Variants in CFAP221 observed in about 807,000 individuals in gnomAD.
CFAP221 encodes the protein cilia- and flagella-associated protein 221.
CFAP221 carries 97 observed loss-of-function variants against 113.1 expected under a neutral mutation model. The observed-to-expected ratio is 0.86, with a 90% CI of 0.73 to 1.02. CFAP221 has a LOEUF of 1.02. Ranked by LOEUF, CFAP221 falls within the 50% of genes least tolerant of loss-of-function variation. The pLI is 0.00. For missense variants in CFAP221, 1,025 were observed against 1,013.4 expected, an observed-to-expected ratio of 1.01 and a Z score of -0.16; for synonymous variants, 331 against 354.4, an observed-to-expected ratio of 0.93 and a Z score of 0.74.
In CFAP221 at chr2:119,615,846, A is replaced by G. The variant is rs1263546009; in HGVS notation, c.1410+137A>G. ...AATTCACCCTTGTAAAATGTACATC[A>G]GTCATTTTTAGTATATTTATAGAGC... On this transcript the variant is annotated intron_variant, in intron 14 of 23. Transcript: ENST00000413369. 5.0e-6 allele frequency: 3 copies of G among 605,888 alleles called. No individual in the cohort carries two copies. In the East Asian group the frequency reaches 9.3e-5, roughly 19 times the overall value. 37.5% of individuals were successfully genotyped at this position (605,888 alleles called of 1,614,324 possible).
At chr2:119,656,293 G>A in intron 23 of CFAP221, 69 bp from the exon 24 acceptor site, 1 of 1,262,472 alleles carries the variant, frequency 7.9e-7, no homozygotes, top group Non-Finnish European at 1.2e-6. Flanking sequence ...CAGCACTGCT[G>A]GCGGGGGGTG....
At chr2:119,588,885 G>A (rs967512062) in intron 7 of CFAP221, among the ~76,000 whole-genome samples, 2 of 152,168 alleles carry the variant, frequency 1.3e-5, no homozygotes, top group East Asian at 1.9e-4. Context: ...TTGGGAGTGA[G>A]TGTGGATAGA....
chr2:119,551,962 C>T (rs1353971005), intron 3 of CFAP221, among the ~76,000 whole-genome samples: 2 of 152,088 alleles, frequency 1.3e-5, no homozygotes, highest in South Asian at 4.1e-4. Context: ...GCTCACCTTC[C>T]TTAAAATAGA....
intron 22 of CFAP221, among the ~76,000 whole-genome samples, chr2:119,651,279 A>G (rs917906251): frequency 1.8e-4 from 27 of 152,202 alleles, no homozygotes; most frequent in South Asian, 1.2e-3. Flanking sequence ...GCTCGGAACC[A>G]AATGTGGCCC....
intron 3 of CFAP221, among the ~76,000 whole-genome samples, chr2:119,552,992 C>T (rs1377885512): frequency 6.6e-6 from 1 of 152,014 alleles, no homozygotes; most frequent in Non-Finnish European, 1.5e-5. Context: ...GGTGAGAGTC[C>T]CCATTACATG....
chr2:119,591,584 T>C (rs1301409420), intron 7 of CFAP221, among the ~76,000 whole-genome samples: 2 of 152,246 alleles, frequency 1.3e-5, no homozygotes, highest in Admixed American at 1.3e-4. Flanking sequence ...AGAGGACCAT[T>C]TGATGGGCTG....
intron 14 of CFAP221, among the ~76,000 whole-genome samples, chr2:119,623,351 T>C (rs1686072419): frequency 6.6e-6 from 1 of 152,088 alleles, no homozygotes. Context: ...AAACCACTGC[T>C]CAAGGAAATA....
At chr2:119,656,246 C>G in intron 23 of CFAP221, 116 bp from the exon 24 acceptor site, 1 of 730,998 alleles carries the variant, frequency 1.4e-6, no homozygotes, top group South Asian at 1.6e-5. Context: ...TGAAAACCTT[C>G]TTTGTATATT....
intron 21 of CFAP221, 31 bp from the exon 22 acceptor site, chr2:119,646,927 A>T (rs771132665): frequency 6.3e-7 from 1 of 1,575,132 alleles, no homozygotes; most frequent in Non-Finnish European, 8.7e-7. Flanking sequence ...GTGTGACTCT[A>T]TCTTTGACTG....
chr2:119,570,519 A>G (rs1163478844), intron 6 of CFAP221, among the ~76,000 whole-genome samples: 1 of 152,202 alleles, frequency 6.6e-6, no homozygotes, highest in African/African-American at 2.4e-5. Flanking sequence ...ACCAACACCT[A>G]TATCCCACTC....
intron 7 of CFAP221, among the ~76,000 whole-genome samples, chr2:119,595,768 T>C (rs1247119127): frequency 1.3e-5 from 2 of 151,924 alleles, no homozygotes; most frequent in African/African-American, 2.4e-5. Flanking sequence ...AAATAAGACA[T>C]GGTGATGTGA....
intron 13 of CFAP221, among the ~76,000 whole-genome samples, chr2:119,613,150 G>A (rs1252944672): frequency 6.6e-6 from 1 of 152,236 alleles, no homozygotes; most frequent in Non-Finnish European, 1.5e-5. Flanking sequence ...GGCTCCCATA[G>A]CCTTGGACTG....
intron 22 of CFAP221, among the ~76,000 whole-genome samples, chr2:119,651,767 A>G (rs1688142359): frequency 6.6e-6 from 1 of 152,242 alleles, no homozygotes; most frequent in Admixed American, 6.5e-5. Flanking sequence ...TCTGGTTATA[A>G]ATAACTACCA....
chr2:119,574,417 G>C (rs1233835727), intron 6 of CFAP221, among the ~76,000 whole-genome samples: 3 of 152,136 alleles, frequency 2.0e-5, no homozygotes, highest in African/African-American at 7.2e-5. Flanking sequence ...ACTACTATTA[G>C]AAAAAGTGTT....
chr2:119,549,076 T>C lies in CFAP221; in HGVS notation c.140-9T>C. ...TCTCATGATGTGCTTATCTACATTG[T>C]TTTTATAGAGGTTTATGCAAAACTT... On this transcript the variant is annotated splice_polypyrimidine_tract_variant and intron_variant, in intron 2 of 23. Transcript: ENST00000413369. 6.6e-7 allele frequency: 1 copy of C among 1,505,372 alleles called. No individual in the cohort carries two copies. The highest frequency in any genetic ancestry group is 8.8e-7 in the Non-Finnish European group (1 of 1,130,260). The allele number at this position is 1,505,372 out of a possible 1,614,324, so 93.3% of individuals were successfully genotyped here.
intron 5 of CFAP221, 40 bp downstream of exon 5, chr2:119,560,066 G>A (rs943224145): frequency 1.4e-5 from 10 of 690,122 alleles, no homozygotes; most frequent in South Asian, 4.4e-5. Context: ...TTTTTTTTTT[G>A]ATGGTGGGTT....
chr2:119,565,266 GGT>G (rs1484410575), intron 6 of CFAP221, among the ~76,000 whole-genome samples: 1 of 152,018 alleles, frequency 6.6e-6, no homozygotes, highest in Admixed American at 6.6e-5. Context: ...TTCCTTGCAG[GGT>G]CCACTCACTC....
intron 6 of CFAP221, among the ~76,000 whole-genome samples, chr2:119,564,554 G>A (rs916400657): frequency 6.6e-6 from 1 of 152,128 alleles, no homozygotes; most frequent in African/African-American, 2.4e-5. Flanking sequence ...TAGTTTTGAT[G>A]CATGCACATG....
rs768279372 is a variant in CFAP221 at position 119,566,672 on chromosome 2, G to GC, written c.527+4561dup. Among the ~76,000 whole-genome samples, 126 of 152,222 alleles carry GC rather than the reference G, an allele frequency of 8.3e-4. 1 individual carries two copies. Among genetic ancestry groups the GC allele is most frequent in the Middle Eastern group, 3.4e-3 (1 of 294 alleles). ...GTGCACCTCTGAGTGCTGCCTCTTG[G>GC]CCCGTGTCCCAGCTACCTGGCAGCT... On this transcript the variant is annotated intron_variant, in intron 6 of 23. Transcript: ENST00000413369.
Sources: gnomAD v4.1 joint callset for allele counts (sites outside exome capture counted in the v4.1 genomes callset) on GRCh38, gnomAD v4.1.1 for gene constraint, MANE v1.5 for transcripts, NCBI Gene and HGNC (gene_info 2026-07-23, HGNC 2026-07-21) for gene names.